ATP6V0D2: variants seen among roughly 807,000 people sequenced by gnomAD.
ATP6V0D2 encodes the protein ATPase H+ transporting V0 subunit d2.
A neutral mutation model predicts 40.0 loss-of-function variants in ATP6V0D2; 40 were observed. The observed-to-expected ratio is 1.00, with a 90% CI of 0.78 to 1.30. The LOEUF is 1.30. Among genes scored for constraint, ATP6V0D2 ranks in the 50% most tolerant of loss-of-function variants. The pLI is 0.00. For synonymous variants in ATP6V0D2, 179 were observed against 156.3 expected, an observed-to-expected ratio of 1.15 and a Z score of -1.08; for missense variants, 470 against 423.1, an observed-to-expected ratio of 1.11 and a Z score of -0.97.
At chr8:86,139,376 A>C in intron 2 of ATP6V0D2, 81 bp from the exon 3 acceptor site, 1 of 1,226,232 alleles carries the variant, frequency 8.2e-7, no homozygotes, top group Non-Finnish European at 1.1e-6. Context: ...GTGTACCTAA[A>C]GAGTGTGTGT....
At position 86,153,039 on chromosome 8, in the gene ATP6V0D2, T is replaced by C; in HGVS notation, c.*62T>C. 7.2e-7 allele frequency: 1 copy of C among 1,383,886 alleles called. No homozygotes were observed. The highest frequency in any genetic ancestry group is 2.5e-5 in the East Asian group (1 of 39,284). The allele number at this position is 1,383,886 out of a possible 1,614,324, so 85.7% of individuals were successfully genotyped here. ...GTTAAAAGGAAGTTATTGAAGAAAA[T>C]AAAAGAAATTATGTTATATTATCTA... On this transcript the variant is annotated 3_prime_UTR_variant, in exon 8 of 8. Coordinates refer to ENST00000285393, the MANE Select transcript of ATP6V0D2 (RefSeq NM_152565.1).
chr8:86,145,000 CAA>C (rs777644427), intron 5 of ATP6V0D2, among the ~76,000 whole-genome samples: 1 of 137,620 alleles, frequency 7.3e-6, no homozygotes, highest in Non-Finnish European at 1.5e-5. Flanking sequence ...ACTAACAATA[CAA>C]AAAAAAAAAA....
intron 2 of ATP6V0D2, among the ~76,000 whole-genome samples, chr8:86,136,777 A>G (rs1293834257): frequency 6.6e-6 from 1 of 152,100 alleles, no homozygotes; most frequent in Non-Finnish European, 1.5e-5. Flanking sequence ...ATGCAGCCAG[A>G]CTCTGGTGAC....
At chr8:86,134,761 G>A (rs866520792) in intron 2 of ATP6V0D2, among the ~76,000 whole-genome samples, 3 of 151,730 alleles carry the variant, frequency 2.0e-5, no homozygotes, top group South Asian at 2.1e-4. Flanking sequence ...CCAAAAACTA[G>A]AAAAAAACCA....
chr8:86,121,439 G>A (rs988114344), intron 2 of ATP6V0D2, among the ~76,000 whole-genome samples: 6 of 152,102 alleles, frequency 3.9e-5, no homozygotes, highest in African/African-American at 1.2e-4. Context: ...GTGTGGGGGC[G>A]CATGCCTGTA....
At chr8:86,108,860 G>T (rs746121051) in intron 1 of ATP6V0D2, among the ~76,000 whole-genome samples, 6 of 152,114 alleles carry the variant, frequency 3.9e-5, no homozygotes, top group African/African-American at 7.2e-5. Flanking sequence ...CACAGAAAAC[G>T]CATGTTTATA....
chr8:86,131,727 C>T (rs1156576206), intron 2 of ATP6V0D2, among the ~76,000 whole-genome samples: 3 of 151,266 alleles, frequency 2.0e-5, no homozygotes, highest in Admixed American at 6.6e-5. Flanking sequence ...TCTCGAACTC[C>T]TGACCTCCGG....
intron 5 of ATP6V0D2, 38 bp downstream of exon 5, chr8:86,142,992 G>A: frequency 7.1e-7 from 1 of 1,412,286 alleles, no homozygotes; most frequent in Non-Finnish European, 9.9e-7. Flanking sequence ...TGCTAAATAA[G>A]GTGCTTACAT....
chr8:86,143,669 G>A (rs1819007909), intron 5 of ATP6V0D2, among the ~76,000 whole-genome samples: 1 of 152,146 alleles, frequency 6.6e-6, no homozygotes, highest in South Asian at 2.1e-4. Flanking sequence ...TGTTTTATCA[G>A]CAAAGTGTTT....
chr8:86,140,514 T>C (rs1818957848), intron 3 of ATP6V0D2, among the ~76,000 whole-genome samples: 1 of 152,176 alleles, frequency 6.6e-6, no homozygotes, highest in Non-Finnish European at 1.5e-5. Context: ...ATCGTATCTT[T>C]TTATAACAGA....
chr8:86,104,702 T>C (rs1563554688), intron 1 of ATP6V0D2, among the ~76,000 whole-genome samples: 2 of 152,106 alleles, frequency 1.3e-5, no homozygotes, highest in African/African-American at 4.8e-5. Context: ...TATTACTTAT[T>C]TTTAATTTCA....
intron 1 of ATP6V0D2, among the ~76,000 whole-genome samples, chr8:86,111,642 T>C (rs77924653): frequency 0.12 from 17,746 of 152,178 alleles, 1,365 homozygotes; most frequent in East Asian, 0.31. Flanking sequence ...CTATTTTTAA[T>C]TTATTTCTCT....
intron 2 of ATP6V0D2, among the ~76,000 whole-genome samples, chr8:86,120,314 T>C (rs2130247418): frequency 6.6e-6 from 1 of 152,142 alleles, no homozygotes; most frequent in South Asian, 2.1e-4. Flanking sequence ...GGCAGGAGGA[T>C]TGCTTGAGTC....
At chr8:86,119,547 A>G (rs899169844) in intron 2 of ATP6V0D2, among the ~76,000 whole-genome samples, 1 of 152,138 alleles carries the variant, frequency 6.6e-6, no homozygotes, top group Admixed American at 6.6e-5. Context: ...AGAATCTTAG[A>G]CATGGAAGGA....
intron 2 of ATP6V0D2, among the ~76,000 whole-genome samples, chr8:86,124,973 G>A (rs118171975): frequency 0.012 from 1,859 of 152,286 alleles, 37 homozygotes; most frequent in South Asian, 0.059. Flanking sequence ...ACCTGTGTGA[G>A]TGAGAAAAGG....
At chr8:86,117,037 A>G (rs1412592663) in intron 2 of ATP6V0D2, among the ~76,000 whole-genome samples, 2 of 150,646 alleles carry the variant, frequency 1.3e-5, no homozygotes, top group Admixed American at 6.6e-5. Flanking sequence ...TTTTTGTTAG[A>G]GTTTTCAGCA....
At chr8:86,134,413 A>G (rs1457907929) in intron 2 of ATP6V0D2, among the ~76,000 whole-genome samples, 1 of 152,214 alleles carries the variant, frequency 6.6e-6, no homozygotes, top group Admixed American at 6.5e-5. Context: ...ATGGGTAAAT[A>G]CAATATACCC....
intron 1 of ATP6V0D2, among the ~76,000 whole-genome samples, chr8:86,099,828 A>G (rs953760967): frequency 4.6e-5 from 7 of 152,160 alleles, no homozygotes; most frequent in African/African-American, 1.7e-4. Context: ...TTTGACAACT[A>G]TATCTAAAAA....
chr8:86,120,390 C>T (rs1246264370), intron 2 of ATP6V0D2, among the ~76,000 whole-genome samples: 1 of 151,812 alleles, frequency 6.6e-6, no homozygotes, highest in Non-Finnish European at 1.5e-5. Flanking sequence ...CAGAGTGAGA[C>T]CCTGTCTCAA....
Sources: allele counts gnomAD v4.1 joint callset (sites outside exome capture counted in the v4.1 genomes callset), GRCh38; gene constraint gnomAD v4.1.1; transcripts MANE v1.5; gene names NCBI Gene and HGNC (gene_info 2026-07-23, HGNC 2026-07-21).